NFIB: variants seen among roughly 807,000 people sequenced by gnomAD.
NFIB encodes the protein nuclear factor 1 B-type.
NFIB carries 11 observed loss-of-function variants against 61.5 expected under a neutral mutation model. The observed-to-expected ratio is 0.18, with a 90% confidence interval of 0.11 to 0.30. The LOEUF (loss-of-function observed/expected upper bound fraction) is 0.30, where lower values mean the gene tolerates loss of function less well. Among genes scored for constraint, NFIB ranks in the 10% least tolerant of loss-of-function variants. NFIB has a pLI of 1.00. For missense variants in NFIB, 471 were observed against 608.9 expected, an observed-to-expected ratio of 0.77 and a Z score of 2.38; for synonymous variants, 260 against 216.5, an observed-to-expected ratio of 1.20 and a Z score of -1.76.
chr9:14,300,190 T>C (rs934324361), intron 2 of NFIB: 4 of 398,398 alleles, frequency 1.0e-5, no homozygotes, highest in African/African-American at 6.2e-5. Context: ...ACATACCACG[T>C]TGCCACAGAA....
At chr9:14,217,660 C>CAAAAAAAAAAAAAAAAAAAAAAAAAAA (rs34055171) in intron 2 of NFIB, among the ~76,000 whole-genome samples, 12 of 81,502 alleles carry the variant, frequency 1.5e-4, no homozygotes, top group East Asian at 1.1e-3. Flanking sequence ...AACTCCATCT[C>CAAAAAAAAAAAAAAAAAAAAAAAAAAA]AAAAAAAAAA....
intron 2 of NFIB, among the ~76,000 whole-genome samples, chr9:14,286,389 C>T (rs1347438547): frequency 6.6e-6 from 1 of 152,160 alleles, no homozygotes; most frequent in Admixed American, 6.5e-5. Flanking sequence ...CTACATGCTA[C>T]AAGATGTCAT....
intron 1 of NFIB, among the ~76,000 whole-genome samples, chr9:14,355,881 C>T (rs547138576): frequency 2.6e-5 from 4 of 151,876 alleles, no homozygotes; most frequent in South Asian, 2.1e-4. Flanking sequence ...GGCATGAACC[C>T]GGGAGGCGGA....
intron 2 of NFIB, among the ~76,000 whole-genome samples, chr9:14,229,906 C>G (rs951980168): frequency 4.6e-5 from 7 of 152,170 alleles, no homozygotes; most frequent in Non-Finnish European, 1.0e-4. Context: ...GGTTCAAGCG[C>G]TTCTCCTGCC....
chr9:14,137,320 T>A (rs1219099759), intron 6 of NFIB, among the ~76,000 whole-genome samples: 1 of 152,162 alleles, frequency 6.6e-6, no homozygotes, highest in African/African-American at 2.4e-5. Context: ...ATTCCTCAGG[T>A]ATAAAGCAAA....
the NFIB span, among the ~76,000 whole-genome samples, chr9:14,496,754 C>T: frequency 6.6e-6 from 1 of 152,190 alleles, no homozygotes; most frequent in East Asian, 1.9e-4. Flanking sequence ...CTCTCAGAGC[C>T]AGATTTCTCC....
rs371679435 is a variant in NFIB, at chr9:14,120,636, A to G, written c.1061-12T>C. The G allele has an allele frequency of 1.8e-5, 29 of 1,581,664 alleles. No homozygotes were observed. The African/African-American group carries it at 3.7e-4, about 20-fold the overall frequency. Reference sequence around the variant, plus strand: ...TCGAGTTGAGATGACTGCAGAAGACAGAAAAGGAAAGATTGACTCATCAGC... The same window carrying G: ...TCGAGTTGAGATGACTGCAGAAGACGGAAAAGGAAAGATTGACTCATCAGC... On this transcript the variant is annotated splice_polypyrimidine_tract_variant and intron_variant, in intron 7 of 10. Transcript: ENST00000380953. This position sits in a 1 kb window ranked among gnomAD's most constrained non-coding sequence, Gnocchi z 4.4.
At chr9:14,088,718 G>A (rs1006616476) in intron 10 of NFIB, among the ~76,000 whole-genome samples, 1 of 152,080 alleles carries the variant, frequency 6.6e-6, no homozygotes, top group Non-Finnish European at 1.5e-5. Flanking sequence ...TACTTTGCCA[G>A]TTACATTCTA....
At chr9:14,481,627 A>T in the NFIB span, among the ~76,000 whole-genome samples, 2 of 151,960 alleles carry the variant, frequency 1.3e-5, no homozygotes, top group African/African-American at 4.8e-5. Flanking sequence ...CAAGGTCCCA[A>T]AATTTGCCTG....
At chr9:14,186,613 C>T (rs906089574) in intron 2 of NFIB, among the ~76,000 whole-genome samples, 2 of 150,336 alleles carry the variant, frequency 1.3e-5, no homozygotes, top group Admixed American at 1.3e-4. Flanking sequence ...GCAAACTATT[C>T]TCCTTGGGCC....
chr9:14,435,062 TC>T, the NFIB span, among the ~76,000 whole-genome samples: 2 of 152,248 alleles, frequency 1.3e-5, no homozygotes, highest in African/African-American at 2.4e-5. Flanking sequence ...TTCTTTTTCT[TC>T]CATCTCTCAC....
At chr9:14,461,047 T>G in the NFIB span, among the ~76,000 whole-genome samples, 1 of 152,138 alleles carries the variant, frequency 6.6e-6, no homozygotes, top group African/African-American at 2.4e-5. Context: ...TGTTCCTCAG[T>G]AATTAGATAT....
the NFIB span, among the ~76,000 whole-genome samples, chr9:14,455,762 A>G: frequency 2.0e-5 from 3 of 152,218 alleles, no homozygotes; most frequent in Non-Finnish European, 4.4e-5. Flanking sequence ...CAAGATTATC[A>G]TTCGTTTTTA....
At chr9:14,345,888 G>C (rs1218091020) in intron 1 of NFIB, among the ~76,000 whole-genome samples, 2 of 152,148 alleles carry the variant, frequency 1.3e-5, no homozygotes, top group Non-Finnish European at 2.9e-5. Flanking sequence ...GTCGCTGCAC[G>C]GTTTTGCTTC....
At chr9:14,410,815 G>C in the NFIB span, among the ~76,000 whole-genome samples, 4 of 152,168 alleles carry the variant, frequency 2.6e-5, no homozygotes, top group Non-Finnish European at 5.9e-5. Context: ...CAAAGACCCA[G>C]ACCACAAATG....
intron 2 of NFIB, among the ~76,000 whole-genome samples, chr9:14,240,909 G>C (rs1205729436): frequency 6.6e-6 from 1 of 152,158 alleles, no homozygotes; most frequent in Non-Finnish European, 1.5e-5. Context: ...GCGTAAGATG[G>C]AGCTCTGAGG....
At chr9:14,252,713 G>T (rs962358136) in intron 2 of NFIB, among the ~76,000 whole-genome samples, 2 of 152,120 alleles carry the variant, frequency 1.3e-5, no homozygotes, top group African/African-American at 4.8e-5. Context: ...TCTAAGCAAA[G>T]TGAGAACAAG....
chr9:14,167,390 T>C (rs896141676), intron 3 of NFIB, among the ~76,000 whole-genome samples: 3 of 151,850 alleles, frequency 2.0e-5, no homozygotes, highest in African/African-American at 7.3e-5. Flanking sequence ...TAAAAATACA[T>C]AGCATGGTGG....
At chr9:14,398,779 G>T (rs1311417076) in exon 1 of NFIB, 1 of 569,744 alleles carries the variant, frequency 1.8e-6, no homozygotes, top group Non-Finnish European at 3.0e-6. Flanking sequence ...GTTTGAGGGT[G>T]ACTGATGGAT....
Sources: allele counts gnomAD v4.1 joint callset (sites outside exome capture counted in the v4.1 genomes callset), GRCh38; gene constraint gnomAD v4.1.1; non-coding constraint Gnocchi (gnomAD v3.1); transcripts MANE v1.5; gene names NCBI Gene and HGNC (gene_info 2026-07-23, HGNC 2026-07-21).